Variants in SP3 observed in about 807,000 individuals in gnomAD.
SP3 encodes the protein transcription factor Sp3.
Under a neutral mutation model 70.3 loss-of-function variants are expected in SP3, and 10 were observed. That is an observed-to-expected ratio of 0.14 (90% CI 0.09 to 0.24). The LOEUF is 0.24. SP3 is among the 10% of genes least tolerant of loss of function. The probability of loss-of-function intolerance (pLI) is 1.00; values close to 1 mark genes in which losing one functional copy is unlikely to be tolerated. For missense variants in SP3, 825 were observed against 914.6 expected, an observed-to-expected ratio of 0.90 and a Z score of 1.26; for synonymous variants, 402 against 333.5, an observed-to-expected ratio of 1.21 and a Z score of -2.24.
At chr2:173,913,709 A>G (rs985555746) in intron 5 of SP3, 10 of 152,352 alleles carry the variant, frequency 6.6e-5, no homozygotes, top group African/African-American at 2.2e-4. Flanking sequence ...GTAACTGATC[A>G]CAGGTACAAT....
chr2:173,907,098 A>G lies in SP3; in HGVS notation c.*2843T>C, dbSNP rs1689349121. The G allele has an allele frequency of 6.6e-6, 1 of 152,176 alleles. No homozygotes were observed. The highest frequency in any genetic ancestry group is 2.1e-4 in the South Asian group (1 of 4,834). The allele number at this position is 152,176 out of a possible 1,614,324, so 9.4% of individuals were successfully genotyped here. On this transcript the variant is annotated 3_prime_UTR_variant, in exon 7 of 7. Coordinates refer to ENST00000310015, the MANE Select transcript of SP3 (RefSeq NM_003111.5). ...GTGCTTTTTGGTTGAGTCACTTTTCAGTAATTAAGCCTCAATCTATAGAAA... is the reference window on the plus strand; with the variant it reads ...GTGCTTTTTGGTTGAGTCACTTTTCGGTAATTAAGCCTCAATCTATAGAAA...
intron 4 of SP3, among the ~76,000 whole-genome samples, chr2:173,940,483 C>T (rs1690339664): frequency 6.6e-6 from 1 of 152,114 alleles, no homozygotes; most frequent in Non-Finnish European, 1.5e-5. Flanking sequence ...GCCTTGGCAC[C>T]CGGGGGTGCA....
intron 4 of SP3, among the ~76,000 whole-genome samples, chr2:173,921,645 G>C (rs1260125300): frequency 2.0e-5 from 3 of 152,214 alleles, no homozygotes; most frequent in Non-Finnish European, 2.9e-5. Flanking sequence ...GAGCCCAGGA[G>C]GTTCAGGTTG....
At chr2:173,940,376 T>G (rs576673412) in intron 4 of SP3, among the ~76,000 whole-genome samples, 2 of 152,306 alleles carry the variant, frequency 1.3e-5, no homozygotes, top group African/African-American at 4.8e-5. Flanking sequence ...ACAATAGGGT[T>G]CGGGCTCCTA....
intron 4 of SP3, 113 bp downstream of exon 4, chr2:173,954,760 A>C (rs535672358): frequency 8.8e-6 from 8 of 904,610 alleles, no homozygotes. Flanking sequence ...TCATACAAAC[A>C]TTGATCATTA....
Position 173,903,222 on chromosome 2 carries a change from C to T in SP3, c.*6719G>A, listed in dbSNP as rs1689220669. On this transcript the variant is annotated 3_prime_UTR_variant, in exon 7 of 7. Transcript: ENST00000310015. ...TTACTAATACATAATATAATATGTG[C>T]CAGGCATTATGGAAAGTGGTTTACA... Among the ~76,000 whole-genome samples the T allele has an allele frequency of 6.6e-6, 1 of 152,126 alleles. No homozygotes were observed. The highest frequency in any genetic ancestry group is 6.6e-5 in the Admixed American group (1 of 15,264).
chr2:173,938,705 CAAG>C (rs1254990247), intron 4 of SP3, among the ~76,000 whole-genome samples: 5 of 152,088 alleles, frequency 3.3e-5, no homozygotes, highest in South Asian at 4.1e-4. Context: ...TCAAAGGTGG[CAAG>C]AAGAAGGGAA....
intron 4 of SP3, among the ~76,000 whole-genome samples, chr2:173,930,896 G>C (rs1034319003): frequency 6.6e-5 from 10 of 152,014 alleles, no homozygotes; most frequent in Admixed American, 3.9e-4. Context: ...CATTAAAAAA[G>C]TAAAACTCAA....
chr2:173,962,790 TTTCA>T (rs1368259202), intron 3 of SP3, among the ~76,000 whole-genome samples: 1 of 151,914 alleles, frequency 6.6e-6, no homozygotes, highest in Non-Finnish European at 1.5e-5. Flanking sequence ...AAATGAGGGT[TTTCA>T]TTATTTTAAT....
intron 4 of SP3, among the ~76,000 whole-genome samples, chr2:173,935,869 C>G (rs1690194912): frequency 7.0e-6 from 1 of 141,886 alleles, no homozygotes; most frequent in Non-Finnish European, 1.5e-5. Flanking sequence ...GGATTCATCT[C>G]TTGTATTCCT....
chr2:173,920,991 G>A (rs1450625011), intron 4 of SP3, among the ~76,000 whole-genome samples: 1 of 152,186 alleles, frequency 6.6e-6, no homozygotes, highest in Non-Finnish European at 1.5e-5. Context: ...AGTACAGGGA[G>A]ATTTCAGGGT....
In SP3 at chr2:173,906,479, T is replaced by G. The variant is rs999211903; in HGVS notation, c.*3462A>C. On this transcript the variant is annotated 3_prime_UTR_variant, in exon 7 of 7. Transcript: ENST00000310015. Reference sequence around the variant, plus strand: ...GGCAGTCAGTTTTAAACATACTGTTTAGTGAAAAATAATTCTTTTACAACA... The same window carrying G: ...GGCAGTCAGTTTTAAACATACTGTTGAGTGAAAAATAATTCTTTTACAACA... 6.6e-6 allele frequency: 1 copy of G among 152,208 alleles called. No homozygotes were observed. The highest frequency in any genetic ancestry group is 1.5e-5 in the Non-Finnish European group (1 of 68,032). 9.4% of individuals were successfully genotyped at this position (152,208 alleles called of 1,614,324 possible).
chr2:173,910,556 CTG>C (rs1299667591), intron 6 of SP3, among the ~76,000 whole-genome samples: 1 of 152,074 alleles, frequency 6.6e-6, no homozygotes, highest in Admixed American at 6.6e-5. Flanking sequence ...TTTGAAATAC[CTG>C]TGTTAAGATG....
chr2:173,902,742 C>G lies in SP3; in HGVS notation c.*7199G>C, dbSNP rs1283985139. ...GAATGATACCATTTATATGAAGTTT[C>G]AAAATCAGAAAAACAATCCTAGGTA... On this transcript the variant is annotated 3_prime_UTR_variant, in exon 7 of 7. Coordinates refer to ENST00000310015, the MANE Select transcript of SP3 (RefSeq NM_003111.5). Among the ~76,000 whole-genome samples the G allele has an allele frequency of 6.6e-6, 1 of 152,040 alleles. No homozygotes were observed. Among genetic ancestry groups the G allele is most frequent in the Non-Finnish European group, 1.5e-5 (1 of 68,004 alleles).
rs942785824 is a variant in SP3, at chr2:173,904,944, C to T, written c.*4997G>A. ...TCAGTGCTAGACTTTATCTTTCAGT[C>T]GCAATGAACCTGAAGATTCTTCGGC... On this transcript the variant is annotated 3_prime_UTR_variant, in exon 7 of 7. Transcript: ENST00000310015. Among the ~76,000 whole-genome samples the T allele has an allele frequency of 6.6e-6, 1 of 152,134 alleles. No individual in the cohort carries two copies. Among genetic ancestry groups the T allele is most frequent in the Non-Finnish European group, 1.5e-5 (1 of 68,028 alleles).
chr2:173,938,588 C>A, intron 4 of SP3, among the ~76,000 whole-genome samples: 1 of 144,678 alleles, frequency 6.9e-6, no homozygotes, highest in Non-Finnish European at 1.5e-5. Context: ...AAAAAGAATG[C>A]AGAAAAAAAA....
At chr2:173,920,568 T>G (rs977058940) in intron 4 of SP3, among the ~76,000 whole-genome samples, 1 of 152,140 alleles carries the variant, frequency 6.6e-6, no homozygotes, top group African/African-American at 2.4e-5. Flanking sequence ...CCTTTCATTT[T>G]TACTAAGCAT....
intron 4 of SP3, among the ~76,000 whole-genome samples, chr2:173,953,716 C>G (rs1267091549): frequency 1.3e-5 from 2 of 151,044 alleles, no homozygotes; most frequent in Non-Finnish European, 2.9e-5. Flanking sequence ...TGCAGTGAAC[C>G]AAGATCACAC....
intron 3 of SP3, among the ~76,000 whole-genome samples, chr2:173,961,298 A>G (rs1425435977): frequency 6.6e-6 from 1 of 152,220 alleles, no homozygotes; most frequent in Non-Finnish European, 1.5e-5. Context: ...CAAATTCCAA[A>G]TTCAAAATCC....
Sources: gnomAD v4.1 joint callset for allele counts (sites outside exome capture counted in the v4.1 genomes callset) on GRCh38, gnomAD v4.1.1 for gene constraint, MANE v1.5 for transcripts, NCBI Gene and HGNC (gene_info 2026-07-23, HGNC 2026-07-21) for gene names.